Variants in PDE4D observed in about 807,000 individuals in gnomAD.
PDE4D encodes the protein 3',5'-cyclic-AMP phosphodiesterase 4D.
A neutral mutation model predicts 87.4 loss-of-function variants in PDE4D; 24 were observed. The ratio of observed to expected loss-of-function variants is 0.27; its 90% CI spans 0.20 to 0.39. PDE4D has a LOEUF of 0.39. Among genes scored for constraint, PDE4D ranks in the 10% least tolerant of loss-of-function variants. The probability of loss-of-function intolerance (pLI) is 1.00; values close to 1 mark genes in which losing one functional copy is unlikely to be tolerated. For synonymous variants in PDE4D, 384 were observed against 383.2 expected (o/e 1.00, Z -0.02); for missense variants, 714 against 1,041.0 (o/e 0.69, Z 4.32).
chr5:59,065,093 C>T (rs201853243), intron 5 of PDE4D, among the ~76,000 whole-genome samples: 8,277 of 144,446 alleles, frequency 0.057, 450 homozygotes, highest in East Asian at 0.16. Flanking sequence ...CACACACACA[C>T]ACACACACAC....
chr5:59,325,779 T>A (rs530363254), intron 1 of PDE4D, among the ~76,000 whole-genome samples: 3 of 152,136 alleles, frequency 2.0e-5, no homozygotes, highest in Non-Finnish European at 2.9e-5. Flanking sequence ...CTAATTTCTA[T>A]GTGTGGAGGG....
chr5:59,223,205 A>AT (rs35413991), intron 1 of PDE4D, among the ~76,000 whole-genome samples: 6,822 of 152,082 alleles, frequency 0.045, 293 homozygotes, highest in Admixed American at 0.14. Context: ...GAGACTGCTG[A>AT]TTTTTTTCTA....
At chr5:59,585,189 G>GA (rs1327969987) in intron 1 of PDE4D, among the ~76,000 whole-genome samples, 1 of 152,182 alleles carries the variant, frequency 6.6e-6, no homozygotes, top group Non-Finnish European at 1.5e-5. Context: ...GGTGTTGTTA[G>GA]AAAATAAGCA....
At chr5:59,639,467 G>A (rs886857429) in intron 1 of PDE4D, among the ~76,000 whole-genome samples, 1 of 152,160 alleles carries the variant, frequency 6.6e-6, no homozygotes, top group Non-Finnish European at 1.5e-5. Context: ...GGTAACAGAA[G>A]TGCAGATGAG....
intron 5 of PDE4D, among the ~76,000 whole-genome samples, chr5:59,159,943 G>A (rs1017274464): frequency 6.6e-5 from 10 of 151,776 alleles, no homozygotes; most frequent in African/African-American, 2.4e-4. Flanking sequence ...TTACTGTAGG[G>A]GAAAAAAAAG....
At chr5:59,480,017 T>C (rs1803975502) in intron 1 of PDE4D, among the ~76,000 whole-genome samples, 1 of 152,082 alleles carries the variant, frequency 6.6e-6, no homozygotes, top group Admixed American at 6.6e-5. Context: ...ATTTTACTAA[T>C]ATCTTACGGC....
chr5:59,925,415 G>GA (rs1379965541), intron 3 of PDE4D, among the ~76,000 whole-genome samples: 1 of 151,954 alleles, frequency 6.6e-6, no homozygotes, highest in African/African-American at 2.4e-5. Context: ...TACTAGCAGA[G>GA]AAAATCACCT....
At chr5:60,151,959 G>A (rs1278567703) in intron 2 of PDE4D, among the ~76,000 whole-genome samples, 6 of 152,144 alleles carry the variant, frequency 3.9e-5, no homozygotes, top group Non-Finnish European at 8.8e-5. Context: ...ATGAAAAGGT[G>A]TTGAATTTTT....
At chr5:59,769,852 T>A (rs369761069) in intron 1 of PDE4D, among the ~76,000 whole-genome samples, 225 of 144,924 alleles carry the variant, frequency 1.6e-3, no homozygotes, top group African/African-American at 5.5e-3. Flanking sequence ...AAAAAAAAAA[T>A]GGAGACTGGA....
chr5:60,454,137 C>T (rs1466816374), intron 1 of PDE4D, among the ~76,000 whole-genome samples: 1 of 152,092 alleles, frequency 6.6e-6, no homozygotes, highest in Non-Finnish European at 1.5e-5. Context: ...ACTGCGACAA[C>T]TCTGAAACTG....
At chr5:60,170,589 A>G (rs1783332973) in intron 2 of PDE4D, among the ~76,000 whole-genome samples, 1 of 152,020 alleles carries the variant, frequency 6.6e-6, no homozygotes, top group African/African-American at 2.4e-5. Context: ...GAAAAGCATC[A>G]TACAAATGTT....
At chr5:59,320,810 T>A (rs1297226219) in intron 1 of PDE4D, among the ~76,000 whole-genome samples, 5 of 151,442 alleles carry the variant, frequency 3.3e-5, no homozygotes, top group Non-Finnish European at 7.4e-5. Flanking sequence ...CCTCTACTCC[T>A]TCTTTTCTTT....
chr5:59,970,366 T>A (rs1760584721), intron 3 of PDE4D, among the ~76,000 whole-genome samples: 1 of 152,140 alleles, frequency 6.6e-6, no homozygotes, highest in South Asian at 2.1e-4. Context: ...TGGGATCTAA[T>A]TAAACTAAAG....
chr5:60,317,965 A>T (rs1219720819), intron 1 of PDE4D, among the ~76,000 whole-genome samples: 2 of 152,108 alleles, frequency 1.3e-5, no homozygotes, highest in African/African-American at 4.8e-5. Flanking sequence ...TATATTCTGT[A>T]GATTTGGGGT....
intron 1 of PDE4D, chr5:59,356,818 GC>G: frequency 6.4e-7 from 1 of 1,554,210 alleles, no homozygotes; most frequent in Non-Finnish European, 8.6e-7. Flanking sequence ...TGGCACCGTG[GC>G]TCCCAGAGGA....
intron 1 of PDE4D, among the ~76,000 whole-genome samples, chr5:59,409,456 G>T (rs1055164641): frequency 6.6e-6 from 1 of 152,172 alleles, no homozygotes; most frequent in Non-Finnish European, 1.5e-5. Context: ...GTAATCCCCA[G>T]TGTTGGAGAT....
chr5:59,627,470 A>C (rs1831028355), intron 1 of PDE4D, among the ~76,000 whole-genome samples: 1 of 152,188 alleles, frequency 6.6e-6, no homozygotes, highest in Non-Finnish European at 1.5e-5. Context: ...CTTACCTAGC[A>C]CTGAATTTTA....
At chr5:59,786,881 C>T (rs930257266) in intron 1 of PDE4D, among the ~76,000 whole-genome samples, 1 of 152,044 alleles carries the variant, frequency 6.6e-6, no homozygotes, top group Non-Finnish European at 1.5e-5. Flanking sequence ...TTCCACCTAT[C>T]TAAAGATTTC....
intron 2 of PDE4D, among the ~76,000 whole-genome samples, chr5:59,213,855 C>A (rs550937515): frequency 6.6e-6 from 1 of 152,036 alleles, no homozygotes; most frequent in Admixed American, 6.6e-5. Context: ...TTTCCCCTAG[C>A]CTTATCATGT....
Sources: gnomAD v4.1 joint callset for allele counts (sites outside exome capture counted in the v4.1 genomes callset) on GRCh38, gnomAD v4.1.1 for gene constraint, MANE v1.5 for transcripts, NCBI Gene and HGNC (gene_info 2026-07-23, HGNC 2026-07-21) for gene names.